The following LINC00237 variants were observed in gnomAD, a reference collection of about 807,000 sequenced individuals.
The protein encoded by LINC00237 is long independently transcribed non-coding RNA 237.
At chr20:21,085,661 G>A (rs578107124) in exon 4 of LINC00237, among the ~76,000 whole-genome samples, 2 of 152,232 alleles carry the variant, frequency 1.3e-5, no homozygotes, top group Admixed American at 6.5e-5. Flanking sequence ...GTTATCTTTG[G>A]GAGGCTATTG....
chr20:21,094,804 C>T (rs966524855), intron 1 of LINC00237, among the ~76,000 whole-genome samples: 2 of 152,206 alleles, frequency 1.3e-5, no homozygotes, highest in African/African-American at 2.4e-5. Context: ...ATTCCCAGCA[C>T]TTTGGGAGGC....
At chr20:21,095,642 C>T (rs1224951587) in intron 1 of LINC00237, among the ~76,000 whole-genome samples, 2 of 152,172 alleles carry the variant, frequency 1.3e-5, no homozygotes, top group African/African-American at 4.8e-5. Flanking sequence ...GAATATAGAT[C>T]AATAAATCTG....
chr20:21,089,529 G>A (rs1057112748), intron 2 of LINC00237, among the ~76,000 whole-genome samples: 1 of 152,048 alleles, frequency 6.6e-6, no homozygotes, highest in Non-Finnish European at 1.5e-5. Context: ...TCTTCTCTTC[G>A]CTGGGCTCGT....
At chr20:21,092,165 T>C (rs1453698286) in intron 2 of LINC00237, among the ~76,000 whole-genome samples, 1 of 152,196 alleles carries the variant, frequency 6.6e-6, no homozygotes, top group Non-Finnish European at 1.5e-5. Context: ...TACTATTCTG[T>C]ACTATTATCA....
At chr20:21,086,621 CTA>C (rs1192630564) in intron 3 of LINC00237, among the ~76,000 whole-genome samples, 6 of 102,006 alleles carry the variant, frequency 5.9e-5, no homozygotes, top group African/African-American at 1.6e-4. Context: ...ATATAGTATA[CTA>C]TATATAGTAT....
intron 2 of LINC00237, among the ~76,000 whole-genome samples, chr20:21,089,406 G>C (rs8114956): frequency 2.0e-5 from 3 of 151,644 alleles, no homozygotes; most frequent in African/African-American, 7.3e-5. Context: ...ATTGAAAAAG[G>C]CTTGAAATAT....
intron 1 of LINC00237, among the ~76,000 whole-genome samples, chr20:21,104,145 A>T (rs2030967966): frequency 6.6e-6 from 1 of 152,202 alleles, no homozygotes; most frequent in African/African-American, 2.4e-5. Flanking sequence ...TAATGCTGTA[A>T]TTAGGTGTGG....
At chr20:21,102,772 G>C (rs962364206) in intron 1 of LINC00237, among the ~76,000 whole-genome samples, 2 of 151,918 alleles carry the variant, frequency 1.3e-5, no homozygotes, top group Non-Finnish European at 2.9e-5. Flanking sequence ...TTGTCACTCA[G>C]TTGAACAGTG....
intron 1 of LINC00237, among the ~76,000 whole-genome samples, chr20:21,097,749 A>C (rs908486111): frequency 1.3e-5 from 2 of 152,312 alleles, no homozygotes; most frequent in South Asian, 4.1e-4. Context: ...TGTTATGCTC[A>C]ACAAACCTCT....
At chr20:21,093,027 G>A (rs990640147) in intron 2 of LINC00237, 7 of 152,102 alleles carry the variant, frequency 4.6e-5, no homozygotes, top group African/African-American at 9.7e-5. Context: ...ATTAAAACCC[G>A]GATGTGACCC....
At chr20:21,100,804 G>A (rs1156315770) in intron 1 of LINC00237, among the ~76,000 whole-genome samples, 1 of 152,134 alleles carries the variant, frequency 6.6e-6, no homozygotes, top group Admixed American at 6.5e-5. Flanking sequence ...CAGTTGGTGG[G>A]TTGTAAGACA....
intron 1 of LINC00237, among the ~76,000 whole-genome samples, chr20:21,100,051 C>G (rs1319634050): frequency 6.6e-6 from 1 of 152,174 alleles, no homozygotes; most frequent in African/African-American, 2.4e-5. Flanking sequence ...TCAATTACCC[C>G]GCCCGCAGTG....
At chr20:21,091,193 C>T (rs1186396703) in intron 2 of LINC00237, among the ~76,000 whole-genome samples, 1 of 145,340 alleles carries the variant, frequency 6.9e-6, no homozygotes, top group Non-Finnish European at 1.5e-5. Flanking sequence ...ACACACACAC[C>T]TTTTTTTATG....
At chr20:21,091,500 C>T (rs895595037) in intron 2 of LINC00237, among the ~76,000 whole-genome samples, 4 of 152,266 alleles carry the variant, frequency 2.6e-5, no homozygotes, top group Admixed American at 6.5e-5. Flanking sequence ...CTTACTGACG[C>T]CACTCTGCAA....
chr20:21,099,341 G>A (rs1482940390), intron 1 of LINC00237, among the ~76,000 whole-genome samples: 1 of 110,948 alleles, frequency 9.0e-6, no homozygotes, highest in Non-Finnish European at 1.9e-5. Context: ...CAACACCTGC[G>A]CACGTGGGGA....
chr20:21,090,910 A>G (rs1680595158), intron 2 of LINC00237, among the ~76,000 whole-genome samples: 1 of 152,130 alleles, frequency 6.6e-6, no homozygotes. Flanking sequence ...CCCGCCAATT[A>G]TGTGTTATCC....
At chr20:21,105,390 A>G (rs2030986019) in intron 1 of LINC00237, among the ~76,000 whole-genome samples, 1 of 149,726 alleles carries the variant, frequency 6.7e-6, no homozygotes, top group Admixed American at 6.6e-5. Flanking sequence ...CGACAGAGCC[A>G]TGGAATAAGA....
chr20:21,089,803 T>C (rs2030768282), intron 2 of LINC00237: 1 of 152,194 alleles, frequency 6.6e-6, no homozygotes, highest in South Asian at 2.1e-4. Context: ...AATAGCTTAT[T>C]TGAAAAGATT....
At chr20:21,094,720 G>T (rs1255617223) in intron 1 of LINC00237, among the ~76,000 whole-genome samples, 1 of 152,160 alleles carries the variant, frequency 6.6e-6, no homozygotes, top group African/African-American at 2.4e-5. Context: ...ACTACTGCAT[G>T]CCAGCCTGGG....
Sources: allele counts gnomAD v4.1 joint callset (sites outside exome capture counted in the v4.1 genomes callset), GRCh38; gene constraint gnomAD v4.1.1; transcripts MANE v1.5; gene names NCBI Gene and HGNC (gene_info 2026-07-23, HGNC 2026-07-21).